Variants in KCNT2 observed in about 807,000 individuals in gnomAD.
KCNT2 encodes the protein potassium channel subfamily T member 2.
In KCNT2, 67 loss-of-function variants were observed where a neutral mutation model predicts 153.8. The ratio of observed to expected loss-of-function variants is 0.44; its 90% CI spans 0.36 to 0.53. The LOEUF is 0.53. Among genes scored for constraint, KCNT2 ranks in the 20% least tolerant of loss-of-function variants. The pLI is 0.00. For synonymous variants in KCNT2, 500 were observed against 458.8 expected (o/e 1.09, Z -1.15); for missense variants, 975 against 1,354.8 (o/e 0.72, Z 4.40).
At chr1:196,282,133 G>T in intron 24 of KCNT2, 140 bp downstream of exon 24, 2 of 472,724 alleles carry the variant, frequency 4.2e-6, no homozygotes, top group South Asian at 5.3e-5. Context: ...ATTTTTAAAG[G>T]AATTTTAAAA....
chr1:196,532,093 G>T (rs972376213), intron 1 of KCNT2, among the ~76,000 whole-genome samples: 5 of 151,776 alleles, frequency 3.3e-5, no homozygotes, highest in African/African-American at 1.2e-4. Context: ...GGAAAGAGAT[G>T]CCTTATCACA....
At chr1:196,375,062 T>C (rs927182347) in intron 13 of KCNT2, among the ~76,000 whole-genome samples, 1 of 151,828 alleles carries the variant, frequency 6.6e-6, no homozygotes, top group Non-Finnish European at 1.5e-5. Flanking sequence ...TATCTCATTG[T>C]ATTTTCCTTC....
intron 26 of KCNT2, among the ~76,000 whole-genome samples, chr1:196,242,567 A>G (rs1655053862): frequency 6.6e-6 from 1 of 152,182 alleles, no homozygotes; most frequent in South Asian, 2.1e-4. Context: ...TTTGACTTAC[A>G]GAACATTTTT....
chr1:196,360,357 T>C (rs1398408500), intron 14 of KCNT2, among the ~76,000 whole-genome samples: 1 of 152,020 alleles, frequency 6.6e-6, no homozygotes, highest in Admixed American at 6.6e-5. Context: ...TCTTTCTTAA[T>C]TCCCACGACT....
chr1:196,451,960 A>G (rs1248002143), intron 8 of KCNT2, among the ~76,000 whole-genome samples: 1 of 151,836 alleles, frequency 6.6e-6, no homozygotes, highest in Non-Finnish European at 1.5e-5. Flanking sequence ...TTGCTCAGAT[A>G]ATTTAGTTCT....
chr1:196,443,058 T>TA (rs1280801512), intron 8 of KCNT2, among the ~76,000 whole-genome samples: 1 of 151,588 alleles, frequency 6.6e-6, no homozygotes, highest in Non-Finnish European at 1.5e-5. Flanking sequence ...GTTTAGGAGG[T>TA]AAAATCTATG....
chr1:196,417,431 A>G (rs188094977), intron 12 of KCNT2, among the ~76,000 whole-genome samples: 5 of 152,250 alleles, frequency 3.3e-5, no homozygotes, highest in East Asian at 1.9e-4. Context: ...TCCATAACAT[A>G]TAAGTGCAGC....
chr1:196,570,902 T>C (rs1469381183), intron 1 of KCNT2, among the ~76,000 whole-genome samples: 2 of 152,106 alleles, frequency 1.3e-5, no homozygotes. Context: ...AATCAAGTCT[T>C]TATTTCCTCT....
At chr1:196,488,024 A>T (rs368307971) in intron 3 of KCNT2, among the ~76,000 whole-genome samples, 2 of 151,990 alleles carry the variant, frequency 1.3e-5, no homozygotes, top group Admixed American at 6.6e-5. Flanking sequence ...TCCTTTCCTA[A>T]CATCTTTAAA....
intron 19 of KCNT2, 90 bp from the exon 20 acceptor site, chr1:196,319,645 T>C (rs1663089672): frequency 2.7e-6 from 2 of 733,010 alleles, no homozygotes; most frequent in Non-Finnish European, 2.3e-6. Context: ...TTAGTTTGCA[T>C]TTCCAAAACT....
chr1:196,395,830 G>A (rs1018176662), intron 13 of KCNT2, among the ~76,000 whole-genome samples: 5 of 151,514 alleles, frequency 3.3e-5, no homozygotes, highest in African/African-American at 7.3e-5. Context: ...AGGGTAAACC[G>A]AAGGAGCTAT....
intron 13 of KCNT2, among the ~76,000 whole-genome samples, chr1:196,382,843 C>A (rs1288373233): frequency 6.6e-6 from 1 of 151,800 alleles, no homozygotes; most frequent in East Asian, 1.9e-4. Flanking sequence ...CGTTAAGGGC[C>A]GCTTTGAGCT....
At chr1:196,241,999 C>T (rs1215433393) in intron 26 of KCNT2, among the ~76,000 whole-genome samples, 5 of 152,048 alleles carry the variant, frequency 3.3e-5, no homozygotes, top group Admixed American at 1.3e-4. Context: ...TATATGATTT[C>T]TTCAATGGTG....
At chr1:196,345,499 G>C (rs902108940) in intron 14 of KCNT2, among the ~76,000 whole-genome samples, 1 of 152,022 alleles carries the variant, frequency 6.6e-6, no homozygotes, top group South Asian at 2.1e-4. Flanking sequence ...CTGGGAGGAG[G>C]GATCATGTAG....
At chr1:196,319,307 T>C (rs1663045791) in intron 20 of KCNT2, among the ~76,000 whole-genome samples, 177 bp downstream of exon 20, 1 of 151,844 alleles carries the variant, frequency 6.6e-6, no homozygotes, top group South Asian at 2.1e-4. Context: ...AATAGATTAC[T>C]ACTCAGAAAG....
intron 26 of KCNT2, among the ~76,000 whole-genome samples, chr1:196,246,024 A>G (rs1238089052): frequency 6.6e-6 from 1 of 152,174 alleles, no homozygotes; most frequent in East Asian, 1.9e-4. Context: ...ATTAATCAAA[A>G]TAAGACTACT....
chr1:196,468,973 T>A (rs767160095), intron 6 of KCNT2, 21 bp downstream of exon 6: 9 of 1,483,916 alleles, frequency 6.1e-6, no homozygotes, highest in Non-Finnish European at 8.4e-6. Flanking sequence ...AGTGTTTTTT[T>A]AAGGTTCTTT....
chr1:196,450,279 T>C lies in KCNT2; in HGVS notation c.638+15014A>G, dbSNP rs575403911. The stretch of plus-strand genomic sequence containing the variant: ...TTTTGTTTTACTTTTAATCAGAGAT[T>C]CCACTTTGTCATTGCCTAGGTACTC... On this transcript the variant is annotated intron_variant, in intron 8 of 27. Coordinates refer to ENST00000294725, the MANE Select transcript of KCNT2 (RefSeq NM_198503.5). Among the ~76,000 whole-genome samples, 31 of 151,950 alleles carry C rather than the reference T, an allele frequency of 2.0e-4. No homozygotes were observed. The South Asian group carries it at 6.0e-3, about 29-fold the overall frequency.
chr1:196,419,165 A>AT lies in KCNT2; in HGVS notation c.1185+3884dup, dbSNP rs201632097. Among the ~76,000 whole-genome samples, 72 of 150,318 alleles carry AT rather than the reference A, an allele frequency of 4.8e-4. No homozygotes were observed. The East Asian group carries it at 0.011, about 23-fold the overall frequency. On this transcript the variant is annotated intron_variant, in intron 12 of 27. Coordinates refer to ENST00000294725, the MANE Select transcript of KCNT2 (RefSeq NM_198503.5). ...TCTACTTTCTTTTTTTTAATTTTTA[A>AT]TTTTTTTTATTTATTTTATTATTAT...
Sources: allele counts gnomAD v4.1 joint callset (sites outside exome capture counted in the v4.1 genomes callset), GRCh38; gene constraint gnomAD v4.1.1; transcripts MANE v1.5; gene names NCBI Gene and HGNC (gene_info 2026-07-23, HGNC 2026-07-21).